Variants in LHFPL3 observed in about 807,000 individuals in gnomAD.
LHFPL3 encodes LHFPL tetraspan subfamily member 3 protein.
In LHFPL3, 5 loss-of-function variants were observed where a neutral mutation model predicts 19.3. That is an observed-to-expected ratio of 0.26 (90% CI 0.14 to 0.54). The LOEUF (loss-of-function observed/expected upper bound fraction) is 0.54. Among genes scored for constraint, LHFPL3 ranks in the 20% least tolerant of loss-of-function variants. LHFPL3 has a pLI of 0.94. For missense variants in LHFPL3, 249 were observed against 307.4 expected, an observed-to-expected ratio of 0.81 and a Z score of 1.42; for synonymous variants, 133 against 126.2, an observed-to-expected ratio of 1.05 and a Z score of -0.36.
At chr7:104,603,166 T>TTCCTTCCTTC (rs1562947582) in intron 1 of LHFPL3, among the ~76,000 whole-genome samples, 5 of 16,428 alleles carry the variant, frequency 3.0e-4, no homozygotes, top group African/African-American at 3.7e-4. Flanking sequence ...TTCCTTCCTT[T>TTCCTTCCTTC]CTTTCTTTCT....
At chr7:104,456,202 T>G (rs958141242) in intron 1 of LHFPL3, among the ~76,000 whole-genome samples, 2 of 152,234 alleles carry the variant, frequency 1.3e-5, no homozygotes, top group Non-Finnish European at 1.5e-5. Flanking sequence ...AGTGTGATGC[T>G]TTATGATTTT....
chr7:104,502,132 T>A (rs527699706), intron 1 of LHFPL3, among the ~76,000 whole-genome samples: 31 of 152,340 alleles, frequency 2.0e-4, no homozygotes, highest in African/African-American at 7.5e-4. Flanking sequence ...TGTATGGATA[T>A]CAAAAATTAA....
At position 104,430,410 on chromosome 7, in the gene LHFPL3, A is replaced by ATG. The variant is rs1791956800; in HGVS notation, c.445+101187_445+101188insGT. Among the ~76,000 whole-genome samples, 31 of 29,410 alleles carry ATG rather than the reference A, an allele frequency of 1.1e-3. 1 individual carries two copies. The highest frequency in any genetic ancestry group is 1.5e-3 in the Non-Finnish European group (28 of 18,364). 19.3% of individuals were successfully genotyped at this position (29,410 alleles called of 152,430 possible). ...TATATATATATATATATATACATATATATATATACATATATATATATATAT... is the reference window on the plus strand; with the variant it reads ...TATATATATATATATATATACATATATGTATATATACATATATATATATATAT... On this transcript the variant is annotated intron_variant, in intron 1 of 2. Coordinates refer to ENST00000424859, the MANE Select transcript of LHFPL3 (RefSeq NM_199000.3).
intron 1 of LHFPL3, among the ~76,000 whole-genome samples, chr7:104,511,842 A>G (rs1164390697): frequency 1.3e-5 from 2 of 152,180 alleles, no homozygotes; most frequent in East Asian, 1.9e-4. Flanking sequence ...TTTTCCATTT[A>G]GAATCACTCA....
At chr7:104,881,750 A>T (rs778613057) in intron 2 of LHFPL3, among the ~76,000 whole-genome samples, 11 of 152,228 alleles carry the variant, frequency 7.2e-5, no homozygotes, top group Non-Finnish European at 1.5e-4. Flanking sequence ...CTAAAATGCT[A>T]TCAAACAGCA....
intron 1 of LHFPL3, among the ~76,000 whole-genome samples, chr7:104,577,896 C>G (rs1418767401): frequency 6.6e-6 from 1 of 152,292 alleles, no homozygotes; most frequent in East Asian, 1.9e-4. Context: ...GTAATACAGA[C>G]TTTCTTTTCC....
chr7:104,825,272 A>G (rs972482103), intron 2 of LHFPL3, among the ~76,000 whole-genome samples: 3 of 151,876 alleles, frequency 2.0e-5, no homozygotes, highest in Non-Finnish European at 4.4e-5. Context: ...AGCCTGATGG[A>G]CTGAGGCACA....
intron 1 of LHFPL3, among the ~76,000 whole-genome samples, chr7:104,632,503 G>A (rs1013865363): frequency 7.9e-5 from 12 of 152,156 alleles, no homozygotes; most frequent in Non-Finnish European, 1.6e-4. Context: ...GAAATAACCT[G>A]ATTACATTTT....
rs534944795 is a variant in LHFPL3, at chr7:104,609,330, T to G, written c.446-127345T>G. 7.9e-5 allele frequency among the ~76,000 whole-genome samples: 12 copies of G among 152,232 alleles called. 1 individual carries two copies. In the East Asian group the frequency reaches 2.1e-3, roughly 27 times the overall value. ...TTATTATCTTAATGGGGATTTAAAC[T>G]CCTGTATTTTTATTTGCCATTTATA... On this transcript the variant is annotated intron_variant, in intron 1 of 2. Coordinates refer to ENST00000424859, the MANE Select transcript of LHFPL3 (RefSeq NM_199000.3).
intron 2 of LHFPL3, among the ~76,000 whole-genome samples, chr7:104,902,838 C>A (rs1208364120): frequency 6.6e-6 from 1 of 152,088 alleles, no homozygotes; most frequent in East Asian, 1.9e-4. Flanking sequence ...AGGGATTTGG[C>A]CATATGAAGG....
At chr7:104,349,523 C>G (rs901895546) in intron 1 of LHFPL3, among the ~76,000 whole-genome samples, 1 of 152,134 alleles carries the variant, frequency 6.6e-6, no homozygotes, top group African/African-American at 2.4e-5. Context: ...TAAGAAGATG[C>G]CTTTGATTTT....
At chr7:104,525,541 G>A (rs1320429062) in intron 1 of LHFPL3, among the ~76,000 whole-genome samples, 3 of 151,948 alleles carry the variant, frequency 2.0e-5, no homozygotes, top group Non-Finnish European at 4.4e-5. Context: ...AGGCCTCAGG[G>A]ACTAGTCCAG....
chr7:104,677,688 G>A (rs982148226), intron 1 of LHFPL3, among the ~76,000 whole-genome samples: 5 of 152,150 alleles, frequency 3.3e-5, no homozygotes, highest in Non-Finnish European at 5.9e-5. Flanking sequence ...GAAGTGTTCC[G>A]TATCTATGCT....
intron 1 of LHFPL3, among the ~76,000 whole-genome samples, chr7:104,667,033 T>A (rs952839317): frequency 2.0e-5 from 3 of 152,138 alleles, no homozygotes; most frequent in African/African-American, 7.2e-5. Context: ...CTAGGTCACA[T>A]AGAAGTTTTA....
intron 2 of LHFPL3, among the ~76,000 whole-genome samples, chr7:104,883,786 G>A (rs531804944): frequency 6.6e-6 from 1 of 152,314 alleles, no homozygotes; most frequent in Admixed American, 6.5e-5. Context: ...CCCTGCTGGG[G>A]AGCTAGGACT....
At chr7:104,846,650 C>T (rs947135326) in intron 2 of LHFPL3, among the ~76,000 whole-genome samples, 1 of 152,190 alleles carries the variant, frequency 6.6e-6, no homozygotes, top group South Asian at 2.1e-4. Flanking sequence ...ATCAAAGCAT[C>T]TTTTTGTGTT....
intron 2 of LHFPL3, among the ~76,000 whole-genome samples, chr7:104,755,223 A>G (rs1293322334): frequency 1.3e-5 from 2 of 152,150 alleles, no homozygotes; most frequent in African/African-American, 4.8e-5. Flanking sequence ...AGTCAAGCCC[A>G]GCAGCACAAG....
At chr7:104,565,864 T>C (rs1044529163) in intron 1 of LHFPL3, among the ~76,000 whole-genome samples, 3 of 152,052 alleles carry the variant, frequency 2.0e-5, no homozygotes, top group Admixed American at 1.3e-4. Context: ...ACAGAAACTC[T>C]CGGCTCCCAT....
chr7:104,897,911 A>C (rs1792397472), intron 2 of LHFPL3, among the ~76,000 whole-genome samples: 1 of 151,896 alleles, frequency 6.6e-6, no homozygotes, highest in African/African-American at 2.4e-5. Flanking sequence ...TAGTAGAAAA[A>C]GAAAAGGTGT....
Sources: allele counts gnomAD v4.1 joint callset (sites outside exome capture counted in the v4.1 genomes callset), GRCh38; gene constraint gnomAD v4.1.1; transcripts MANE v1.5; gene names NCBI Gene and HGNC (gene_info 2026-07-23, HGNC 2026-07-21).